SMPD3: variants seen among roughly 807,000 people sequenced by gnomAD.
SMPD3 encodes the protein sphingomyelin phosphodiesterase 3.
Under a neutral mutation model 55.7 loss-of-function variants are expected in SMPD3, and 21 were observed. That is an observed-to-expected ratio of 0.38 (90% CI 0.27 to 0.54). SMPD3 has a LOEUF of 0.54. SMPD3 is among the 20% of genes least tolerant of loss of function. The pLI is 0.80. For synonymous variants in SMPD3, 457 were observed against 404.3 expected (o/e 1.13, Z -1.56); for missense variants, 842 against 899.6 (o/e 0.94, Z 0.82).
chr16:68,412,633 A>T (rs1367168208), intron 1 of SMPD3, among the ~76,000 whole-genome samples: 1 of 152,214 alleles, frequency 6.6e-6, no homozygotes. Flanking sequence ...AAGAAAATCA[A>T]GCCCAAAAGA....
Position 68,447,376 on chromosome 16 carries a change from G to A in SMPD3, c.-269+977C>T, listed in dbSNP as rs2152037766. Among the ~76,000 whole-genome samples, 1 of 152,302 alleles carries A rather than the reference G, an allele frequency of 6.6e-6. No homozygotes were observed. Among genetic ancestry groups the A allele is most frequent in the Admixed American group, 6.5e-5 (1 of 15,308 alleles). ...GTCCCGCTCTGTACATGCCCATCTG[G>A]GATTGGCCCCCAGCTGCGGTGCCAG... On this transcript the variant is annotated intron_variant, in intron 1 of 8. Transcript: ENST00000219334. The surrounding 1 kb of genome is among the most constrained non-coding windows in gnomAD (Gnocchi z 5.1).
At chr16:68,365,677 G>A (rs1241968455) in intron 3 of SMPD3, among the ~76,000 whole-genome samples, 1 of 152,104 alleles carries the variant, frequency 6.6e-6, no homozygotes, top group Non-Finnish European at 1.5e-5. Flanking sequence ...TTGGATGAGA[G>A]CTCCCTGACC....
chr16:68,438,668 T>G (rs1284399451), intron 1 of SMPD3, among the ~76,000 whole-genome samples: 1 of 152,194 alleles, frequency 6.6e-6, no homozygotes, highest in Non-Finnish European at 1.5e-5. Flanking sequence ...CCCCTGTTCA[T>G]TTGATCACAA....
At chr16:68,393,822 C>T (rs957037317) in intron 1 of SMPD3, among the ~76,000 whole-genome samples, 4 of 152,232 alleles carry the variant, frequency 2.6e-5, no homozygotes, top group Admixed American at 2.0e-4. Flanking sequence ...ACAACTTTCC[C>T]CCAATTTTTA....
rs939183096 is a variant in SMPD3 at position 68,371,659 on chromosome 16, T to C, written c.523A>G (p.Thr175Ala). The change falls in exon 3 of 9, where the codon ACC becomes GCC. Residue 175 changes from threonine to alanine, a missense_variant. By Grantham distance (58) the Thr-to-Ala change is moderately conservative. Coordinates refer to ENST00000219334, the MANE Select transcript of SMPD3 (RefSeq NM_018667.4). Reference protein sequence around the residue: ...PQIKIYIDSPTNTSISAASFS... With the variant: ...PQIKIYIDSPANTSISAASFS... ...CTAGCGGCGCTGATGGAGGTATTGG[T>C]GGGGGAGTCGATGTAAATTTTGATC... is the stretch of plus-strand genomic sequence containing the variant. 1 of 1,565,798 alleles carries C rather than the reference T, an allele frequency of 6.4e-7. No individual in the cohort carries two copies. The highest frequency in any genetic ancestry group is 8.6e-7 in the Non-Finnish European group (1 of 1,156,320).
At chr16:68,374,054 A>G (rs1415339578) in intron 2 of SMPD3, among the ~76,000 whole-genome samples, 2 of 152,238 alleles carry the variant, frequency 1.3e-5, no homozygotes, top group African/African-American at 4.8e-5. Context: ...TGTATCACAA[A>G]TGCTCTGGGA....
intron 3 of SMPD3, among the ~76,000 whole-genome samples, chr16:68,365,734 C>A (rs531358065): frequency 6.6e-6 from 1 of 152,206 alleles, no homozygotes; most frequent in African/African-American, 2.4e-5. Flanking sequence ...ATCCTGAGCC[C>A]ACTGTGGCAG....
intron 1 of SMPD3, among the ~76,000 whole-genome samples, chr16:68,427,116 C>T (rs775399784): frequency 7.9e-5 from 12 of 151,500 alleles, no homozygotes; most frequent in Non-Finnish European, 1.8e-4. Flanking sequence ...CCTGCCTTAG[C>T]CTCCCAAGTA....
chr16:68,393,670 T>C (rs2090131684), intron 1 of SMPD3, among the ~76,000 whole-genome samples: 1 of 152,212 alleles, frequency 6.6e-6, no homozygotes, highest in African/African-American at 2.4e-5. Context: ...AGTGACTACA[T>C]TTTGTCAGAT....
At chr16:68,400,004 TGTA>T (rs1191407387) in intron 1 of SMPD3, among the ~76,000 whole-genome samples, 2 of 152,212 alleles carry the variant, frequency 1.3e-5, no homozygotes, top group Non-Finnish European at 2.9e-5. Flanking sequence ...CAGCTACTAT[TGTA>T]GTCACCATTT....
intron 5 of SMPD3, chr16:68,364,430 C>T (rs773767592): frequency 1.0e-5 from 3 of 299,358 alleles, no homozygotes; most frequent in Non-Finnish European, 1.8e-5. Flanking sequence ...AGAATGGCAG[C>T]TGGCTCGAAG....
intron 1 of SMPD3, among the ~76,000 whole-genome samples, chr16:68,388,040 T>C (rs1302928270): frequency 6.6e-6 from 1 of 152,014 alleles, no homozygotes; most frequent in Admixed American, 6.6e-5. Context: ...CCTCAGAGGC[T>C]CCCTCCTCTG....
At chr16:68,439,193 G>A (rs1468009093) in intron 1 of SMPD3, among the ~76,000 whole-genome samples, 2 of 152,152 alleles carry the variant, frequency 1.3e-5, no homozygotes, top group Admixed American at 1.3e-4. Context: ...CACATTTGAT[G>A]GTAAAAATGT....
At chr16:68,366,889 T>C (rs2089494852) in intron 3 of SMPD3, among the ~76,000 whole-genome samples, 1 of 151,936 alleles carries the variant, frequency 6.6e-6, no homozygotes, top group African/African-American at 2.4e-5. Flanking sequence ...GTGCCTGTAA[T>C]CCCAGCTATT....
At chr16:68,398,129 A>C (rs944079237) in intron 1 of SMPD3, among the ~76,000 whole-genome samples, 1 of 152,150 alleles carries the variant, frequency 6.6e-6, no homozygotes, top group African/African-American at 2.4e-5. Context: ...CTGGAGCTGC[A>C]GCTGTGGATG....
At chr16:68,377,508 C>A (rs572289301) in intron 2 of SMPD3, among the ~76,000 whole-genome samples, 1 of 152,214 alleles carries the variant, frequency 6.6e-6, no homozygotes, top group Admixed American at 6.5e-5. Flanking sequence ...TGAGGCATCA[C>A]GGCACGGACA....
At chr16:68,419,059 G>C (rs1243861779) in intron 1 of SMPD3, among the ~76,000 whole-genome samples, 1 of 152,206 alleles carries the variant, frequency 6.6e-6, no homozygotes, top group Non-Finnish European at 1.5e-5. Context: ...TCTATTTGTA[G>C]AAATAGGCCT....
At chr16:68,403,549 A>G (rs1480302779) in intron 1 of SMPD3, among the ~76,000 whole-genome samples, 1 of 152,240 alleles carries the variant, frequency 6.6e-6, no homozygotes, top group Non-Finnish European at 1.5e-5. Context: ...ATTCAGTACC[A>G]AACATGAGTT....
At chr16:68,427,316 A>C (rs1284382079) in intron 1 of SMPD3, among the ~76,000 whole-genome samples, 1 of 152,206 alleles carries the variant, frequency 6.6e-6, no homozygotes, top group Non-Finnish European at 1.5e-5. Context: ...ACTAAGGTCT[A>C]TCTGATTTCA....
Sources: gnomAD v4.1 joint callset for allele counts (sites outside exome capture counted in the v4.1 genomes callset) on GRCh38, gnomAD v4.1.1 for gene constraint, Gnocchi (gnomAD v3.1) non-coding constraint, MANE v1.5 for transcripts, NCBI Gene and HGNC (gene_info 2026-07-23, HGNC 2026-07-21) for gene names.